Variants in WDR19 observed in about 807,000 individuals in gnomAD.
WDR19 encodes WD repeat-containing protein 19.
Under a neutral mutation model 180.0 loss-of-function variants are expected in WDR19, and 121 were observed. That is an observed-to-expected ratio of 0.67 (90% confidence interval 0.58 to 0.78). WDR19 has a LOEUF of 0.78. Ranked by LOEUF, WDR19 falls within the 30% of genes least tolerant of loss-of-function variation. The pLI, the probability that WDR19 is intolerant of heterozygous loss-of-function variation, is 0.00. For synonymous variants in WDR19, 497 were observed against 540.7 expected (o/e 0.92, Z 1.12); for missense variants, 1,450 against 1,640.7 (o/e 0.88, Z 2.01).
At chr4:39,239,583 T>A (rs1362103397) in intron 20 of WDR19, among the ~76,000 whole-genome samples, 1 of 152,052 alleles carries the variant, frequency 6.6e-6, no homozygotes, top group Non-Finnish European at 1.5e-5. Flanking sequence ...AATACTTAGG[T>A]GATGGGTTGA....
chr4:39,258,930 T>C (rs1034295982), intron 28 of WDR19, among the ~76,000 whole-genome samples: 9 of 152,042 alleles, frequency 5.9e-5, no homozygotes, highest in Non-Finnish European at 1.3e-4. Context: ...TAGCTGGACA[T>C]AGTGGCGGGC....
At chr4:39,279,376 T>C (rs1206534298) in intron 36 of WDR19, among the ~76,000 whole-genome samples, 1 of 152,196 alleles carries the variant, frequency 6.6e-6, no homozygotes, top group Non-Finnish European at 1.5e-5. Context: ...AACCTACATA[T>C]TATCTAGATA....
chr4:39,232,070 C>CGTTA, intron 18 of WDR19, 92 bp from the exon 19 acceptor site: 1 of 1,497,038 alleles, frequency 6.7e-7, no homozygotes, highest in Non-Finnish European at 9.2e-7. Context: ...ATCGATAGAA[C>CGTTA]GTTACCACTT....
At chr4:39,225,138 G>T (rs764868025) in intron 15 of WDR19, 105 bp downstream of exon 15, 1 of 860,488 alleles carries the variant, frequency 1.2e-6, no homozygotes, top group Non-Finnish European at 1.6e-6. Context: ...TTAGTGCCAA[G>T]GATTGTAGTT....
rs369553528 is a variant in WDR19 at position 39,234,786 on chromosome 4, T to C, written c.2274T>C (p.His758=). ...AALEMRRDLQ[H]WDSALQLAKH... ...AACAGATGAGAAGGGATTTACAGCA[T>C]TGGGACAGTGCTCTACAACTGGCAA... The change falls in exon 20 of 37, where the codon CAT becomes CAC. Residue 758 remains histidine, a synonymous_variant. Coordinates refer to ENST00000399820, the MANE Select transcript of WDR19 (RefSeq NM_025132.4). 1.8e-5 allele frequency: 29 copies of C among 1,580,288 alleles called. No individual in the cohort carries two copies. Among genetic ancestry groups the C allele is most frequent in the African/African-American group, 2.7e-5 (2 of 74,298 alleles).
intron 10 of WDR19, 22 bp downstream of exon 10, chr4:39,214,693 A>G (rs1192253766): frequency 2.3e-5 from 34 of 1,450,678 alleles, no homozygotes; most frequent in Non-Finnish European, 3.2e-5. Context: ...TCTGAAGCAG[A>G]TTGACATTTT....
chr4:39,245,021 C>T (rs1211142793), intron 23 of WDR19, among the ~76,000 whole-genome samples: 1 of 151,004 alleles, frequency 6.6e-6, no homozygotes, highest in Non-Finnish European at 1.5e-5. Flanking sequence ...ACTGCAACCT[C>T]CACCTCCTGG....
chr4:39,241,795 C>CAA (rs539065242), intron 21 of WDR19, among the ~76,000 whole-genome samples: 47,871 of 125,394 alleles, frequency 0.38, 8,425 homozygotes, highest in African/African-American at 0.46. Flanking sequence ...AACTCTGTCT[C>CAA]AAAAAAAAAA....
At chr4:39,201,539 G>T (rs868678839) in intron 6 of WDR19, among the ~76,000 whole-genome samples, 19 of 152,328 alleles carry the variant, frequency 1.2e-4, no homozygotes, top group African/African-American at 3.4e-4. Context: ...TTCAAGCCTG[G>T]ACTAACTGAA....
intron 3 of WDR19, among the ~76,000 whole-genome samples, chr4:39,187,279 G>A (rs898149580): frequency 3.0e-4 from 45 of 152,088 alleles, no homozygotes; most frequent in East Asian, 1.3e-3. Flanking sequence ...AAGTAGCTGG[G>A]CGTGGTGGCA....
chr4:39,232,792 C>T (rs1731011940), intron 19 of WDR19, among the ~76,000 whole-genome samples: 1 of 152,066 alleles, frequency 6.6e-6, no homozygotes, highest in South Asian at 2.1e-4. Context: ...CACTATATGC[C>T]TTCCCCCTCC....
chr4:39,193,700 A>G (rs1726414490), intron 4 of WDR19, among the ~76,000 whole-genome samples: 1 of 152,214 alleles, frequency 6.6e-6, no homozygotes, highest in African/African-American at 2.4e-5. Flanking sequence ...CATTCTTGGA[A>G]GCAGTGCTGC....
chr4:39,256,020 G>A (rs1337605864), intron 27 of WDR19, 60 bp downstream of exon 27: 23 of 1,194,554 alleles, frequency 1.9e-5, no homozygotes, highest in East Asian at 2.5e-5. Flanking sequence ...GGAAATATAC[G>A]TAAATGCCAG....
Position 39,278,195 on chromosome 4 carries a change from C to G in WDR19, c.3905C>G (p.Ser1302Ter), listed in dbSNP as rs1736098917. The G allele has an allele frequency of 6.2e-7, 1 of 1,603,948 alleles. No homozygotes were observed. Among genetic ancestry groups the G allele is most frequent in the African/African-American group, 1.3e-5 (1 of 74,690 alleles). ...CPHCDFPALY[S>*]ELKIMLNTES... The stretch of plus-strand genomic sequence containing the variant: ...CATTGTGACTTCCCTGCTCTATACT[C>G]AGAATTGAAGATGTAAGTGTGCATC... Residue 1302 changes from serine to a stop codon, truncating the protein, a stop_gained, in exon 35 of 37, where the codon TCA becomes TGA. Transcript: ENST00000399820. LOFTEE classifies it high-confidence loss of function.
Position 39,268,013 on chromosome 4 carries a change from CGCTTGTACATG to C in WDR19, c.3284_3294del (p.Leu1095SerfsTer67). The C allele has an allele frequency of 6.2e-7, 1 of 1,604,454 alleles. No individual in the cohort carries two copies. The highest frequency in any genetic ancestry group is 8.5e-7 in the Non-Finnish European group (1 of 1,175,406). On this transcript the variant is annotated frameshift_variant, in exon 30 of 37. Transcript: ENST00000399820. LOFTEE classifies it high-confidence loss of function. Reference sequence around the variant, plus strand: ...GTGTCAGGATGCCAAGTACCTGTTCCGCTTGTACATGGCTCTGAAGCAATACCGAGAAGCTG... The same window carrying C: ...GTGTCAGGATGCCAAGTACCTGTTCCGCTCTGAAGCAATACCGAGAAGCTG...
At position 39,278,287 on chromosome 4, in the gene WDR19, A is replaced by G. The variant is rs2276888; in HGVS notation, c.3917+80A>G. 725,909 of 1,324,962 alleles carry G rather than the reference A, an allele frequency of 0.55. 205,780 individuals carry two copies. The highest frequency in any genetic ancestry group is 0.63 in the East Asian group (25,017 of 39,780). The allele number at this position is 1,324,962 out of a possible 1,614,324, so 82.1% of individuals were successfully genotyped here. The stretch of plus-strand genomic sequence containing the variant: ...CATTCTACCTCTTTTCTTCCGAAGC[A>G]TTCTTCTATTTGTGTTCCTAAGGAT... On this transcript the variant is annotated intron_variant, in intron 35 of 36. Transcript: ENST00000399820.
chr4:39,185,914 TAAATGGAGTCTAGC>T, intron 2 of WDR19, 97 bp downstream of exon 2: 12 of 1,069,472 alleles, frequency 1.1e-5, no homozygotes, highest in Non-Finnish European at 1.4e-5. Context: ...TTTTTTTTTT[TAAATGGAGTCTAGC>T]TTTGTTGCCC....
intron 28 of WDR19, among the ~76,000 whole-genome samples, chr4:39,265,770 C>CAA (rs11326526): frequency 3.0e-4 from 24 of 80,974 alleles, no homozygotes; most frequent in East Asian, 3.4e-4. Flanking sequence ...GACTCTGTCT[C>CAA]AAAAAAAAAA....
Position 39,205,650 on chromosome 4 carries a change from A to G in WDR19, c.804A>G (p.Ile268Met). ...ATACTGGAGAGCTTGGTCAAGAGAT[A>G]TTTCAGGCTCGTAACCATAAAGATA... ...STHTGELGQE[I>M]FQARNHKDNL... The change falls in exon 9 of 37, where the codon ATA becomes ATG. Residue 268 changes from isoleucine (I) to methionine (M), a missense_variant. Physicochemically the swap from Ile to Met is conservative, Grantham distance 10. Transcript: ENST00000399820. 2 of 1,612,820 alleles carry G rather than the reference A, an allele frequency of 1.2e-6. No homozygotes were observed. The highest frequency in any genetic ancestry group is 2.2e-5 in the South Asian group (2 of 90,804).
Sources: allele counts gnomAD v4.1 joint callset (sites outside exome capture counted in the v4.1 genomes callset), GRCh38; gene constraint gnomAD v4.1.1; transcripts MANE v1.5; gene names NCBI Gene and HGNC (gene_info 2026-07-23, HGNC 2026-07-21).